SPART: variants seen among roughly 807,000 people sequenced by gnomAD.
SPART encodes spastic paraplegia 20 (Troyer syndrome).
In SPART, 35 loss-of-function variants were observed where a neutral mutation model predicts 58.7. That is an observed-to-expected ratio of 0.60 (90% confidence interval 0.46 to 0.79). The LOEUF (loss-of-function observed/expected upper bound fraction) is 0.79, where lower values mean the gene tolerates loss of function less well. SPART is among the 30% of genes least tolerant of loss of function. The probability of loss-of-function intolerance (pLI) is 0.00; values close to 1 mark genes in which losing one functional copy is unlikely to be tolerated. For missense variants in SPART, 730 were observed against 786.1 expected (o/e 0.93, Z 0.85); for synonymous variants, 284 against 280.7 (o/e 1.01, Z -0.12).
chr13:36,325,081 G>A (rs1040164679), intron 5 of SPART, among the ~76,000 whole-genome samples: 1 of 152,128 alleles, frequency 6.6e-6, no homozygotes, highest in East Asian at 1.9e-4. Flanking sequence ...GGGCATATAC[G>A]TCAAGTCACC....
chr13:36,340,271 G>C (rs955624532), intron 1 of SPART, among the ~76,000 whole-genome samples: 1 of 151,896 alleles, frequency 6.6e-6, no homozygotes, highest in Non-Finnish European at 1.5e-5. Flanking sequence ...GCTGAGACAG[G>C]AGAATTGCTT....
chr13:36,341,500 T>C (rs1884586424), intron 1 of SPART, among the ~76,000 whole-genome samples: 1 of 152,182 alleles, frequency 6.6e-6, no homozygotes, highest in Non-Finnish European at 1.5e-5. Context: ...ATAGTTCAAT[T>C]CCAACTAACC....
At chr13:36,345,135 T>C (rs1368706516) in intron 1 of SPART, among the ~76,000 whole-genome samples, 1 of 152,228 alleles carries the variant, frequency 6.6e-6, no homozygotes, top group Non-Finnish European at 1.5e-5. Context: ...ATCTAATGCC[T>C]ATTTGGCCCT....
intron 1 of SPART, among the ~76,000 whole-genome samples, chr13:36,340,946 T>A (rs1223201529): frequency 6.6e-6 from 1 of 152,140 alleles, no homozygotes; most frequent in African/African-American, 2.4e-5. Flanking sequence ...AATCTCAATA[T>A]AAACAAAATT....
chr13:36,317,913 T>C (rs1881909656), intron 5 of SPART, among the ~76,000 whole-genome samples: 1 of 152,180 alleles, frequency 6.6e-6, no homozygotes, highest in Admixed American at 6.5e-5. Flanking sequence ...TAATTCTTGT[T>C]GTAAAATAGG....
chr13:36,348,121 C>CA (rs1188767654), upstream of SPART, among the ~76,000 whole-genome samples: 4 of 151,814 alleles, frequency 2.6e-5, no homozygotes, highest in African/African-American at 7.3e-5. Flanking sequence ...CCCGTCCCTA[C>CA]AAAAAAACAC....
rs529395513 is a variant in SPART at position 36,345,319 on chromosome 13, A to C, written c.-3+906T>G. 5.3e-5 allele frequency among the ~76,000 whole-genome samples: 8 copies of C among 152,364 alleles called. No individual in the cohort carries two copies. The South Asian group carries it at 1.4e-3, about 28-fold the overall frequency. ...AAGGCTTCCTGTTTCAAACAGGTCC[A>C]ATAAAGCCACCAAATTAAGTCTACG... On this transcript the variant is annotated intron_variant, in intron 1 of 8. Transcript: ENST00000438666.
In SPART at chr13:36,304,372, T is replaced by C. The variant is rs768261360; in HGVS notation, c.1994A>G (p.Asp665Gly). 12 of 1,614,076 alleles carry C rather than the reference T, an allele frequency of 7.4e-6. No individual in the cohort carries two copies. Among genetic ancestry groups the C allele is most frequent in the Non-Finnish European group, 8.5e-6 (10 of 1,179,934 alleles). ...TKEVKEAKKK[D>G]K The stretch of plus-strand genomic sequence containing the variant: ...GTGATTCCCAGCACTTCATCATTTA[T>C]CTTTCTTCTTTGCCTCCTTTACTTC... The change falls in exon 9 of 9, where the codon GAT becomes GGT. Residue 665 changes from aspartate (D) to glycine (G), a missense_variant. Coordinates refer to ENST00000438666, the MANE Select transcript of SPART (RefSeq NM_015087.5).
intron 5 of SPART, among the ~76,000 whole-genome samples, chr13:36,321,516 C>T (rs1882390561): frequency 6.6e-6 from 1 of 152,078 alleles, no homozygotes; most frequent in Non-Finnish European, 1.5e-5. Context: ...TTCTACACGA[C>T]AAATGTTTCT....
chr13:36,305,713 C>G (rs1020123464), intron 8 of SPART, among the ~76,000 whole-genome samples: 1 of 152,140 alleles, frequency 6.6e-6, no homozygotes, highest in African/African-American at 2.4e-5. Context: ...CACACCAAAA[C>G]ACATTTCCCT....
chr13:36,365,649 T>G (rs1334317598), intron 1 of SPART: 2 of 461,240 alleles, frequency 4.3e-6, no homozygotes, highest in Admixed American at 2.5e-5. Flanking sequence ...TTTTTTGACT[T>G]TGTAAGGGTG....
rs548586042 is a variant in SPART at position 36,321,890 on chromosome 13, T to A, written c.1288+4685A>T. Among the ~76,000 whole-genome samples, 9 of 152,042 alleles carry A rather than the reference T, an allele frequency of 5.9e-5. No individual in the cohort carries two copies. The East Asian group carries it at 7.7e-4, about 13-fold the overall frequency. On this transcript the variant is annotated intron_variant, in intron 5 of 8. Coordinates refer to ENST00000438666, the MANE Select transcript of SPART (RefSeq NM_015087.5). ...ATGACATTCCACCACAAAAGAAGTG[T>A]AAATGGCCGGTCCTTGCCTTAAGTG...
At chr13:36,356,334 G>A (rs1421645069) in intron 1 of SPART, among the ~76,000 whole-genome samples, 1 of 152,220 alleles carries the variant, frequency 6.6e-6, no homozygotes, top group Admixed American at 6.5e-5. Flanking sequence ...TGGCAAAGCA[G>A]AATAGCTGTA....
chr13:36,326,802 T>A, intron 4 of SPART, 104 bp from the exon 5 acceptor site: 1 of 1,265,428 alleles, frequency 7.9e-7, no homozygotes, highest in Non-Finnish European at 1.1e-6. Context: ...TAGATAAAAT[T>A]AATGAAAAAT....
At chr13:36,321,330 T>C (rs916543956) in intron 5 of SPART, among the ~76,000 whole-genome samples, 4 of 152,228 alleles carry the variant, frequency 2.6e-5, no homozygotes, top group South Asian at 2.1e-4. Flanking sequence ...CTCTTAACTC[T>C]TGAAGTAAAT....
chr13:36,320,563 C>A (rs1882269797), intron 5 of SPART, among the ~76,000 whole-genome samples: 1 of 152,206 alleles, frequency 6.6e-6, no homozygotes, highest in Non-Finnish European at 1.5e-5. Context: ...GAAATAACTT[C>A]TCAGTGTTAC....
upstream of SPART, among the ~76,000 whole-genome samples, chr13:36,348,787 C>T (rs972897185): frequency 4.6e-5 from 7 of 152,102 alleles, no homozygotes; most frequent in Non-Finnish European, 8.8e-5. Context: ...GACCTCCAGA[C>T]GCAACACAAT....
chr13:36,323,388 T>C (rs961541020), intron 5 of SPART, among the ~76,000 whole-genome samples: 6 of 152,244 alleles, frequency 3.9e-5, no homozygotes, highest in Admixed American at 1.3e-4. Flanking sequence ...TGATACTGCA[T>C]AGCCGCTGCC....
At chr13:36,359,185 T>G (rs1462598667) in intron 1 of SPART, among the ~76,000 whole-genome samples, 1 of 152,254 alleles carries the variant, frequency 6.6e-6, no homozygotes, top group Non-Finnish European at 1.5e-5. Context: ...ATGCTCAGCA[T>G]GATTAGTTTC....
Sources: gnomAD v4.1 joint callset for allele counts (sites outside exome capture counted in the v4.1 genomes callset) on GRCh38, gnomAD v4.1.1 for gene constraint, MANE v1.5 for transcripts, NCBI Gene and HGNC (gene_info 2026-07-23, HGNC 2026-07-21) for gene names.